C10orf67: variants seen among roughly 807,000 people sequenced by gnomAD.
The protein encoded by C10orf67 is uncharacterized protein C10orf67, mitochondrial.
A neutral mutation model predicts 35.6 loss-of-function variants in C10orf67; 60 were observed. That is an observed-to-expected ratio of 1.68 (90% CI 1.37 to 2.09). The LOEUF is 2.09. Among genes scored for constraint, C10orf67 ranks in the 30% most tolerant of loss-of-function variants. The pLI, the probability that C10orf67 is intolerant of heterozygous loss-of-function variation, is 0.00. For synonymous variants in C10orf67, 167 were observed against 115.8 expected, an observed-to-expected ratio of 1.44 and a Z score of -2.84; for missense variants, 474 against 330.2, an observed-to-expected ratio of 1.44 and a Z score of -3.38.
Position 23,324,922 on chromosome 10 carries a change from T to C in C10orf67, c.328-2385A>G, listed in dbSNP as rs148666217. On this transcript the variant is annotated intron_variant, in intron 2 of 15. Coordinates refer to ENST00000636213, the MANE Select transcript of C10orf67 (RefSeq NM_001371909.1). ...GAATTTCATTTTAGTATCCTCATACTATATAGGAGGTTTTATTTTACTGGT... is the reference window on the plus strand; with the variant it reads ...GAATTTCATTTTAGTATCCTCATACCATATAGGAGGTTTTATTTTACTGGT... 1.0e-3 allele frequency among the ~76,000 whole-genome samples: 157 copies of C among 152,290 alleles called. 5 individuals carry two copies. Among genetic ancestry groups the C allele is most frequent in the Admixed American group, 8.6e-3 (132 of 15,282 alleles).
At chr10:23,328,584 A>G (rs1191515917) in intron 2 of C10orf67, among the ~76,000 whole-genome samples, 1 of 151,896 alleles carries the variant, frequency 6.6e-6, no homozygotes, top group Non-Finnish European at 1.5e-5. Context: ...GGATTCTCTA[A>G]CTCTATACCT....
intron 13 of C10orf67, among the ~76,000 whole-genome samples, chr10:23,238,397 T>A (rs1842099570): frequency 1.3e-5 from 2 of 152,344 alleles, no homozygotes; most frequent in Non-Finnish European, 1.5e-5. Context: ...TGAAGATTCA[T>A]AAACTTTGAA....
At chr10:23,273,103 A>G (rs531331704) in intron 8 of C10orf67, among the ~76,000 whole-genome samples, 6 of 152,334 alleles carry the variant, frequency 3.9e-5, no homozygotes, top group African/African-American at 1.4e-4. Context: ...GATTTCCTAT[A>G]GAGATGATCA....
At position 23,291,258 on chromosome 10, in the gene C10orf67, T is replaced by C; in HGVS notation, c.724A>G (p.Ser242Gly). The change falls in exon 6 of 16, where the codon AGC becomes GGC. Residue 242 changes from serine (S) to glycine (G), a missense_variant. Transcript: ENST00000636213. ...HKMESFAKET[S>G]SPKSNLEKEN... ...TTTTCTAGGTTTGATTTTGGAGAGC[T>C]GGTTTCTTTGGCAAAAGATTCCTAA... 1 of 714,454 alleles carries C rather than the reference T, an allele frequency of 1.4e-6. No individual in the cohort carries two copies. Among genetic ancestry groups the C allele is most frequent in the East Asian group, 2.7e-5 (1 of 37,242 alleles). The allele number at this position is 714,454 out of a possible 1,614,324, so 44.3% of individuals were successfully genotyped here.
At chr10:23,316,854 A>G (rs1421351414) in intron 4 of C10orf67, 1 of 152,288 alleles carries the variant, frequency 6.6e-6, no homozygotes, top group African/African-American at 2.4e-5. Context: ...TAGGGTTTTT[A>G]TGGGCTTCAG....
chr10:23,303,686 A>G (rs1259088354), intron 4 of C10orf67, among the ~76,000 whole-genome samples: 1 of 152,248 alleles, frequency 6.6e-6, no homozygotes, highest in Non-Finnish European at 1.5e-5. Flanking sequence ...ACTATGTAGC[A>G]CAGTGTTATC....
At chr10:23,301,194 G>A (rs1401867154) in intron 5 of C10orf67, among the ~76,000 whole-genome samples, 1 of 152,190 alleles carries the variant, frequency 6.6e-6, no homozygotes, top group African/African-American at 2.4e-5. Flanking sequence ...AGAAACTTCT[G>A]GCTGTGCCAT....
chr10:23,331,177 GGGGAA>G lies in C10orf67; in HGVS notation c.327+1880_327+1884del, dbSNP rs1228912469. 5.0e-4 allele frequency among the ~76,000 whole-genome samples: 42 copies of G among 84,462 alleles called. 2 individuals are homozygous for G. Among genetic ancestry groups the G allele is most frequent in the Non-Finnish European group, 7.9e-4 (32 of 40,294 alleles). 55.4% of individuals were successfully genotyped at this position (84,462 alleles called of 152,430 possible). ...GAAGGGAAGGGAAGGGAACCGGGACGGGGAAGGGAAGGGAAGGGAAGGGAAGGGAA... is the reference window on the plus strand; with the variant it reads ...GAAGGGAAGGGAAGGGAACCGGGACGGGGAAGGGAAGGGAAGGGAAGGGAA... On this transcript the variant is annotated intron_variant, in intron 2 of 15. Coordinates refer to ENST00000636213, the MANE Select transcript of C10orf67 (RefSeq NM_001371909.1).
intron 4 of C10orf67, chr10:23,316,929 A>G (rs1019578609): frequency 2.6e-5 from 4 of 152,216 alleles, no homozygotes; most frequent in Non-Finnish European, 5.9e-5. Flanking sequence ...AAAGCACCAT[A>G]AGTTCTCACT....
chr10:23,254,123 A>T (rs570473564), intron 10 of C10orf67, among the ~76,000 whole-genome samples: 1 of 152,368 alleles, frequency 6.6e-6, no homozygotes, highest in African/African-American at 2.4e-5. Context: ...GTTAATATTA[A>T]AATAAAAGTA....
rs149024826 is a variant in C10orf67, at chr10:23,289,914, T to C, written c.895A>G (p.Lys299Glu). 10,683 of 717,008 alleles carry C rather than the reference T, an allele frequency of 0.015. 945 individuals carry two copies. In the Admixed American group the frequency reaches 0.16, roughly 11 times the overall value. The allele number at this position is 717,008 out of a possible 1,614,324, so 44.4% of individuals were successfully genotyped here. A position where few individuals can be genotyped will look rare whatever the true frequency, so the allele number is the denominator to read the frequency against. The change falls in exon 7 of 16, where the codon AAA (lysine) becomes GAA (glutamate). Residue 299 changes from lysine to glutamate, a missense_variant. Coordinates refer to ENST00000636213, the MANE Select transcript of C10orf67 (RefSeq NM_001371909.1). ...SMKEMAEKDH[K>E]TIQKLMDSRD... The stretch of plus-strand genomic sequence containing the variant: ...CGTTATAGTACCTTTTGAATAGTTT[T>C]GTGATCCTTTTCTGCCATCTCTTTC...
intron 5 of C10orf67, among the ~76,000 whole-genome samples, chr10:23,300,378 T>A (rs1844034689): frequency 6.6e-6 from 1 of 152,160 alleles, no homozygotes; most frequent in Admixed American, 6.5e-5. Flanking sequence ...AGCGGTGGCC[T>A]TTTTTTATCC....
chr10:23,331,193 G>GACGGGCACCA (rs1845445071), intron 2 of C10orf67, among the ~76,000 whole-genome samples: 1 of 5,714 alleles, frequency 1.8e-4, no homozygotes, highest in Non-Finnish European at 3.1e-4. Flanking sequence ...GGGAAGGGAA[G>GACGGGCACCA]GGAAGGGAAG....
intron 10 of C10orf67, among the ~76,000 whole-genome samples, chr10:23,256,478 A>C (rs1429790321): frequency 6.6e-6 from 1 of 152,238 alleles, no homozygotes; most frequent in Non-Finnish European, 1.5e-5. Context: ...AAAGAGGAAC[A>C]ATGCCCTCAG....
intron 10 of C10orf67, among the ~76,000 whole-genome samples, chr10:23,263,696 C>T (rs1366173875): frequency 1.3e-5 from 2 of 152,112 alleles, no homozygotes; most frequent in African/African-American, 2.4e-5. Flanking sequence ...AGAAGTCCTC[C>T]ATGGAAGCAT....
At chr10:23,216,737 A>G (rs1307241264) in intron 15 of C10orf67, among the ~76,000 whole-genome samples, 1 of 152,192 alleles carries the variant, frequency 6.6e-6, no homozygotes, top group African/African-American at 2.4e-5. Context: ...TACTTCCACC[A>G]TCATGGATAT....
chr10:23,302,131 T>C (rs565244663), intron 5 of C10orf67, among the ~76,000 whole-genome samples: 3 of 152,188 alleles, frequency 2.0e-5, no homozygotes, highest in South Asian at 4.1e-4. Flanking sequence ...AGAGCTCCCA[T>C]ACAAAGGGAG....
At chr10:23,252,702 T>A (rs1405701835) in intron 10 of C10orf67, among the ~76,000 whole-genome samples, 1 of 152,226 alleles carries the variant, frequency 6.6e-6, no homozygotes, top group African/African-American at 2.4e-5. Flanking sequence ...ACAATAAGAA[T>A]AGGAACAATT....
At position 23,223,590 on chromosome 10, in the gene C10orf67, AT is replaced by A; in HGVS notation, c.1570+7del. ...GTGAACCTCATTTCCAACAATAATGATTCTTACCTTTTGGTGAAAGTTGAAG... is the reference window on the plus strand; with the variant it reads ...GTGAACCTCATTTCCAACAATAATGATCTTACCTTTTGGTGAAAGTTGAAG... On this transcript the variant is annotated splice_region_variant and intron_variant, in intron 15 of 15. Transcript: ENST00000636213. 1 of 717,356 alleles carries A rather than the reference AT, an allele frequency of 1.4e-6. No homozygotes were observed. Among genetic ancestry groups the A allele is most frequent in the Non-Finnish European group, 2.6e-6 (1 of 384,906 alleles). 44.4% of individuals were successfully genotyped at this position (717,356 alleles called of 1,614,324 possible). A position where few individuals can be genotyped will look rare whatever the true frequency, so the allele number is the denominator to read the frequency against.
Sources: gnomAD v4.1 joint callset for allele counts (sites outside exome capture counted in the v4.1 genomes callset) on GRCh38, gnomAD v4.1.1 for gene constraint, MANE v1.5 for transcripts, NCBI Gene and HGNC (gene_info 2026-07-23, HGNC 2026-07-21) for gene names.